SRD5A1: variants seen among roughly 807,000 people sequenced by gnomAD.
The protein encoded by SRD5A1 is 3-oxo-5-alpha-steroid 4-dehydrogenase 1.
SRD5A1 carries 22 observed loss-of-function variants against 28.2 expected under a neutral mutation model. The ratio of observed to expected loss-of-function variants is 0.78; its 90% CI spans 0.56 to 1.12. SRD5A1 has a LOEUF of 1.12. SRD5A1 is among the 50% of genes most tolerant of loss of function. The pLI is 0.00. For synonymous variants in SRD5A1, 151 were observed against 135.0 expected, an observed-to-expected ratio of 1.12 and a Z score of -0.82; for missense variants, 300 against 346.7, an observed-to-expected ratio of 0.87 and a Z score of 1.07.
intron 1 of SRD5A1, among the ~76,000 whole-genome samples, chr5:6,648,273 G>A (rs1206827565): frequency 1.8e-5 from 2 of 112,058 alleles, no homozygotes; most frequent in Non-Finnish European, 3.9e-5. Flanking sequence ...TGCTCTCCTC[G>A]AGGAGTATCT....
intron 1 of SRD5A1, among the ~76,000 whole-genome samples, chr5:6,638,569 G>A (rs966975245): frequency 1.3e-5 from 2 of 152,184 alleles, no homozygotes; most frequent in African/African-American, 4.8e-5. Flanking sequence ...TCCACTGTTG[G>A]GTTTCCATGT....
chr5:6,669,957 G>A lies in SRD5A1; in HGVS notation c.*1689G>A, dbSNP rs928359564. 7 of 152,454 alleles carry A rather than the reference G, an allele frequency of 4.6e-5. No individual in the cohort carries two copies. The highest frequency in any genetic ancestry group is 7.2e-5 in the African/African-American group (3 of 41,438). 9.4% of individuals were successfully genotyped at this position (152,454 alleles called of 1,614,324 possible). ...GAGGCCATGACAGTGCACACCCTGC[G>A]GAGACCCTGGGTCCTCACATCTGGG... On this transcript the variant is annotated 3_prime_UTR_variant, in exon 5 of 5. Transcript: ENST00000274192.
rs1738689299 is a variant in SRD5A1, at chr5:6,651,968, G to A, written c.420G>A (p.Val140=). 1.2e-6 allele frequency: 2 copies of A among 1,614,092 alleles called. No individual in the cohort carries two copies. The highest frequency in any genetic ancestry group is 2.7e-5 in the African/African-American group (2 of 75,062). Residue 140 remains valine (V), a synonymous_variant, in exon 2 of 5, where the codon GTG becomes GTA. Transcript: ENST00000274192. ...LQSRYLSHCA[V]YADDWVTDPR... ...GCAGATACTTGAGCCATTGTGCAGT[G>A]TATGCTGATGACTGGGTAACAGATC...
intron 1 of SRD5A1, among the ~76,000 whole-genome samples, chr5:6,649,011 G>A (rs1738587499): frequency 6.6e-6 from 1 of 152,138 alleles, no homozygotes; most frequent in South Asian, 2.1e-4. Context: ...GTTTGCTGGA[G>A]GTCCGCTCCA....
intron 1 of SRD5A1, among the ~76,000 whole-genome samples, chr5:6,636,351 C>G (rs1204570598): frequency 1.3e-5 from 2 of 152,088 alleles, no homozygotes; most frequent in Non-Finnish European, 2.9e-5. Context: ...AACACCACAC[C>G]CGGTGAGAGG....
At chr5:6,654,656 C>T (rs1473298034) in intron 2 of SRD5A1, among the ~76,000 whole-genome samples, 1 of 152,126 alleles carries the variant, frequency 6.6e-6, no homozygotes, top group African/African-American at 2.4e-5. Context: ...TGGTCTTGAA[C>T]CCCTGGCCTG....
At chr5:6,657,452 C>T (rs1738866590) in intron 3 of SRD5A1, among the ~76,000 whole-genome samples, 2 of 152,238 alleles carry the variant, frequency 1.3e-5, no homozygotes, top group African/African-American at 4.8e-5. Context: ...ACAGTGTAAG[C>T]TGGATGGTGG....
At chr5:6,651,739 G>T in intron 1 of SRD5A1, 103 bp from the exon 2 acceptor site, 1 of 1,074,194 alleles carries the variant, frequency 9.3e-7, no homozygotes, top group Non-Finnish European at 1.3e-6. Flanking sequence ...GATGACATTT[G>T]TACAAGAAAG....
chr5:6,664,056 G>A (rs995089242), intron 4 of SRD5A1, among the ~76,000 whole-genome samples: 1 of 152,054 alleles, frequency 6.6e-6, no homozygotes, highest in Non-Finnish European at 1.5e-5. Flanking sequence ...ACATTGGCGC[G>A]TGTCCCTGAC....
At chr5:6,654,529 G>T (rs1327255827) in intron 2 of SRD5A1, among the ~76,000 whole-genome samples, 1 of 152,144 alleles carries the variant, frequency 6.6e-6, no homozygotes, top group Non-Finnish European at 1.5e-5. Context: ...TGCCTCCCAG[G>T]CTCAAGCAAT....
chr5:6,656,088 G>A lies in SRD5A1; in HGVS notation c.471G>A (p.Leu157=), dbSNP rs546110222. 1.9e-6 allele frequency: 3 copies of A among 1,613,612 alleles called. No homozygotes were observed. Among genetic ancestry groups the A allele is most frequent in the South Asian group, 2.2e-5 (2 of 91,044 alleles). ...ATTTTTTTCCTTTAGGTTTTGGCTT[G>A]TGGTTAACGGGCATGTTGATAAACA... ...TDPRFLIGFG[L]WLTGMLINIH... is the part of the protein sequence containing the mutation. Residue 157 remains leucine, a synonymous_variant, in exon 3 of 5, where the codon TTG becomes TTA. Transcript: ENST00000274192.
chr5:6,662,770 T>G (rs556206431), intron 3 of SRD5A1, 46 bp from the exon 4 acceptor site: 1 of 1,591,026 alleles, frequency 6.3e-7, no homozygotes, highest in Non-Finnish European at 8.6e-7. Context: ...AAGTCCGTAT[T>G]TCATTTTGTA....
chr5:6,656,642 A>T (rs530280649), intron 3 of SRD5A1, among the ~76,000 whole-genome samples: 5 of 152,316 alleles, frequency 3.3e-5, no homozygotes, highest in Admixed American at 2.6e-4. Flanking sequence ...GTGTCTTTTG[A>T]GAATTTGTGA....
chr5:6,637,297 G>A (rs1738214512), intron 1 of SRD5A1, among the ~76,000 whole-genome samples: 1 of 152,146 alleles, frequency 6.6e-6, no homozygotes, highest in African/African-American at 2.4e-5. Context: ...CATTTACCCT[G>A]TTCCCTGGCC....
intron 1 of SRD5A1, among the ~76,000 whole-genome samples, chr5:6,640,365 T>C (rs1560994238): frequency 6.6e-6 from 1 of 152,210 alleles, no homozygotes; most frequent in Admixed American, 6.5e-5. Context: ...AAAAGGCAAC[T>C]GCAAATCGTC....
At chr5:6,649,262 C>G (rs997448311) in intron 1 of SRD5A1, among the ~76,000 whole-genome samples, 1 of 152,170 alleles carries the variant, frequency 6.6e-6, no homozygotes, top group South Asian at 2.1e-4. Flanking sequence ...CTGGGAGAAC[C>G]GCTGCTCTCT....
At chr5:6,659,342 T>G (rs912094120) in intron 3 of SRD5A1, among the ~76,000 whole-genome samples, 1 of 152,008 alleles carries the variant, frequency 6.6e-6, no homozygotes, top group Non-Finnish European at 1.5e-5. Flanking sequence ...CTCGATCTCC[T>G]GACCTCGTGA....
chr5:6,659,046 GT>G (rs1429343006), intron 3 of SRD5A1, among the ~76,000 whole-genome samples: 1 of 151,628 alleles, frequency 6.6e-6, no homozygotes, highest in Non-Finnish European at 1.5e-5. Context: ...GAACCCAGGA[GT>G]TTGTGGCTGC....
chr5:6,642,581 A>T (rs564220257), intron 1 of SRD5A1, among the ~76,000 whole-genome samples: 1 of 152,372 alleles, frequency 6.6e-6, no homozygotes, highest in South Asian at 2.1e-4. Context: ...ACGCAGTTTG[A>T]TATGACTTGT....
Sources: allele counts gnomAD v4.1 joint callset (sites outside exome capture counted in the v4.1 genomes callset), GRCh38; gene constraint gnomAD v4.1.1; transcripts MANE v1.5; gene names NCBI Gene and HGNC (gene_info 2026-07-23, HGNC 2026-07-21).